Variants in CDC73 observed in about 807,000 individuals in gnomAD.
CDC73 encodes parafibromin.
CDC73 carries 21 observed loss-of-function variants against 83.7 expected under a neutral mutation model. The observed-to-expected ratio is 0.25, with a 90% CI of 0.18 to 0.36. The LOEUF (loss-of-function observed/expected upper bound fraction) is 0.36. Among genes scored for constraint, CDC73 ranks in the 10% least tolerant of loss-of-function variants. The pLI is 1.00. For missense variants in CDC73, 342 were observed against 653.3 expected (o/e 0.52, Z 5.19); for synonymous variants, 224 against 212.9 (o/e 1.05, Z -0.45).
chr1:193,206,193 TG>T (rs376453761), intron 11 of CDC73, among the ~76,000 whole-genome samples: 165 of 152,296 alleles, frequency 1.1e-3, no homozygotes, highest in Middle Eastern at 6.8e-3. Flanking sequence ...AGATCATATG[TG>T]TAAAGTAAGG....
At chr1:193,222,822 C>T (rs1348148806) in intron 13 of CDC73, among the ~76,000 whole-genome samples, 1 of 136,856 alleles carries the variant, frequency 7.3e-6, no homozygotes, top group African/African-American at 2.7e-5. Context: ...CTTTTTGGAA[C>T]TTAAATGAGA....
intron 11 of CDC73, among the ~76,000 whole-genome samples, chr1:193,210,265 T>A (rs903948763): frequency 6.6e-6 from 1 of 152,212 alleles, no homozygotes; most frequent in African/African-American, 2.4e-5. Context: ...TACAAAGAAT[T>A]AGTGAAAATG....
At chr1:193,191,649 G>C (rs1352575457) in intron 10 of CDC73, among the ~76,000 whole-genome samples, 2 of 152,128 alleles carry the variant, frequency 1.3e-5, no homozygotes, top group African/African-American at 4.8e-5. Flanking sequence ...TCCTCCCAAA[G>C]TGCGGGGGAT....
chr1:193,251,931 T>C lies in CDC73; in HGVS notation c.*1219T>C, dbSNP rs369311753. 3.8e-4 allele frequency: 87 copies of C among 231,538 alleles called. No homozygotes were observed. Among genetic ancestry groups the C allele is most frequent in the African/African-American group, 1.7e-3 (78 of 45,344 alleles). 14.3% of individuals were successfully genotyped at this position (231,538 alleles called of 1,614,324 possible). On this transcript the variant is annotated 3_prime_UTR_variant, in exon 17 of 17. Coordinates refer to ENST00000367435, the MANE Select transcript of CDC73 (RefSeq NM_024529.5). ...GGAATTTTTGCTGATCACAGTCTTATGTCATTTTTTTCTCTGTTTTTATTC... is the reference window on the plus strand; with the variant it reads ...GGAATTTTTGCTGATCACAGTCTTACGTCATTTTTTTCTCTGTTTTTATTC...
At chr1:193,135,113 C>T (rs910652293) in intron 3 of CDC73, among the ~76,000 whole-genome samples, 2 of 151,882 alleles carry the variant, frequency 1.3e-5, no homozygotes, top group African/African-American at 4.8e-5. Flanking sequence ...TGTGTTATGA[C>T]ATTGGAGCAT....
chr1:193,244,023 A>G (rs968909415), intron 15 of CDC73, among the ~76,000 whole-genome samples: 38 of 152,250 alleles, frequency 2.5e-4, no homozygotes, highest in African/African-American at 8.9e-4. Context: ...TACCAGGTTG[A>G]TACTGATCAT....
intron 10 of CDC73, among the ~76,000 whole-genome samples, chr1:193,164,861 G>A (rs181162698): frequency 9.2e-5 from 14 of 152,230 alleles, no homozygotes; most frequent in African/African-American, 3.4e-4. Flanking sequence ...AAAAAGTGTT[G>A]GTGAGGGAAC....
At chr1:193,139,367 A>G (rs1220440482) in intron 6 of CDC73, among the ~76,000 whole-genome samples, 2 of 151,466 alleles carry the variant, frequency 1.3e-5, no homozygotes, top group East Asian at 3.9e-4. Context: ...CCCGGGTTCA[A>G]GTGATTCTCC....
chr1:193,152,225 T>C (rs1178659695), intron 9 of CDC73, among the ~76,000 whole-genome samples, 155 bp from the exon 10 acceptor site: 5 of 152,226 alleles, frequency 3.3e-5, no homozygotes, highest in African/African-American at 1.2e-4. Flanking sequence ...AGTTTTTATC[T>C]TCACAAGTAC....
At chr1:193,201,425 T>C (rs1677089898) in intron 10 of CDC73, among the ~76,000 whole-genome samples, 1 of 152,212 alleles carries the variant, frequency 6.6e-6, no homozygotes, top group African/African-American at 2.4e-5. Flanking sequence ...ATGCATTTTC[T>C]CCATGAGTCA....
chr1:193,232,864 C>A, intron 13 of CDC73, 129 bp from the exon 14 acceptor site: 1 of 723,330 alleles, frequency 1.4e-6, no homozygotes, highest in Non-Finnish European at 2.3e-6. Flanking sequence ...GATTGCACCA[C>A]TGCACTCTAG....
chr1:193,133,550 A>C (rs1370655497), intron 3 of CDC73, among the ~76,000 whole-genome samples: 1 of 152,212 alleles, frequency 6.6e-6, no homozygotes, highest in Non-Finnish European at 1.5e-5. Flanking sequence ...ACTAATAAAA[A>C]AACTTTATCT....
At chr1:193,238,312 T>A (rs113828577) in intron 15 of CDC73, among the ~76,000 whole-genome samples, 1 of 152,292 alleles carries the variant, frequency 6.6e-6, no homozygotes, top group African/African-American at 2.4e-5. Flanking sequence ...TCCCCTAGCT[T>A]CTTCTTTTTC....
intron 10 of CDC73, among the ~76,000 whole-genome samples, chr1:193,177,698 T>TA (rs1282596023): frequency 3.9e-5 from 6 of 152,202 alleles, no homozygotes; most frequent in African/African-American, 1.4e-4. Context: ...GTACCAAGCA[T>TA]ACTGCTTGTA....
rs143111457 is a variant in CDC73 at position 193,205,207 on chromosome 1, C to T, written c.1030+1355C>T. 9.5e-4 allele frequency among the ~76,000 whole-genome samples: 101 copies of T among 105,836 alleles called. 2 individuals carry two copies. The highest frequency in any genetic ancestry group is 5.7e-3 in the South Asian group (16 of 2,830). 69.4% of individuals were successfully genotyped at this position (105,836 alleles called of 152,430 possible). A position where few individuals can be genotyped will look rare whatever the true frequency, so the allele number is the denominator to read the frequency against. On this transcript the variant is annotated intron_variant, in intron 11 of 16. Coordinates refer to ENST00000367435, the MANE Select transcript of CDC73 (RefSeq NM_024529.5). ...GCTATACCACCTGTCCCCCCCCCCCCCTTTTTTTTTAAACTCATCAGTGCT... is the reference window on the plus strand; with the variant it reads ...GCTATACCACCTGTCCCCCCCCCCCTCTTTTTTTTTAAACTCATCAGTGCT...
chr1:193,189,061 C>T (rs987036102), intron 10 of CDC73, among the ~76,000 whole-genome samples: 4 of 151,106 alleles, frequency 2.6e-5, no homozygotes, highest in Non-Finnish European at 4.4e-5. Context: ...TCAAGAGATT[C>T]TCGTGCTTCA....
intron 13 of CDC73, among the ~76,000 whole-genome samples, chr1:193,214,559 T>C (rs932797170): frequency 1.3e-4 from 20 of 151,892 alleles, no homozygotes; most frequent in Admixed American, 4.6e-4. Context: ...CTACTAAAAA[T>C]ACAAAAAAAA....
intron 10 of CDC73, among the ~76,000 whole-genome samples, chr1:193,154,343 C>A (rs756086664): frequency 2.0e-5 from 3 of 152,170 alleles, no homozygotes; most frequent in African/African-American, 7.2e-5. Flanking sequence ...GTAGTAAAAT[C>A]TGTGATGGGT....
At chr1:193,224,853 A>G (rs1370272832) in intron 13 of CDC73, among the ~76,000 whole-genome samples, 2 of 151,832 alleles carry the variant, frequency 1.3e-5, no homozygotes, top group Admixed American at 6.6e-5. Flanking sequence ...TTAAAGATTT[A>G]TTATGTTGCC....
Sources: gnomAD v4.1 joint callset for allele counts (sites outside exome capture counted in the v4.1 genomes callset) on GRCh38, gnomAD v4.1.1 for gene constraint, MANE v1.5 for transcripts, NCBI Gene and HGNC (gene_info 2026-07-23, HGNC 2026-07-21) for gene names.